OXTR: variants seen among roughly 807,000 people sequenced by gnomAD.
The protein encoded by OXTR is oxytocin receptor.
OXTR carries 19 observed loss-of-function variants against 23.9 expected under a neutral mutation model. That is an observed-to-expected ratio of 0.80 (90% CI 0.56 to 1.17). The LOEUF (loss-of-function observed/expected upper bound fraction) is 1.17. Ranked by LOEUF, OXTR falls within the 50% of genes most tolerant of loss-of-function variation. The pLI, the probability that OXTR is intolerant of heterozygous loss-of-function variation, is 0.00. For synonymous variants in OXTR, 278 were observed against 250.5 expected (o/e 1.11, Z -1.04); for missense variants, 500 against 550.7 (o/e 0.91, Z 0.92).
downstream of OXTR, chr3:8,745,420 G>A: frequency 1.2e-6 from 1 of 847,302 alleles, no homozygotes. The surrounding 1 kb of genome is among the most constrained non-coding windows in gnomAD (Gnocchi z 4.8). Flanking sequence ...CAGCCACCAA[G>A]GTTAACCTGA....
intron 3 of OXTR, among the ~76,000 whole-genome samples, chr3:8,761,965 G>A (rs549400742): frequency 2.0e-5 from 3 of 152,346 alleles, no homozygotes; most frequent in Admixed American, 2.0e-4. Flanking sequence ...GGCTCTGGCA[G>A]GTGGGCTCAG....
chr3:8,753,021 G>A lies in OXTR; in HGVS notation c.1126C>T (p.Arg376Cys), dbSNP rs35062132. The change falls in exon 4 of 4, where the codon CGC (arginine) becomes TGC (cysteine). Residue 376 changes from arginine (R) to cysteine (C), a missense_variant. Physicochemically the swap from Arg to Cys is radical, Grantham distance 180. Transcript: ENST00000316793. ...SNSSSFVLSH[R>C]SSSQRSCSQP... ...GAGCAGCTCCTCTGGCTGGAGCTGC[G>A]ATGGCTCAGGACAAAGGAGGACGAG... 4.0e-5 allele frequency: 65 copies of A among 1,613,958 alleles called. No homozygotes were observed. The East Asian group carries it at 1.0e-3, about 25-fold the overall frequency.
At chr3:8,746,177 G>A (rs548206386), downstream of OXTR, 21 of 286,990 alleles carry the variant, frequency 7.3e-5, no homozygotes, top group Non-Finnish European at 1.1e-4. Flanking sequence ...AAACCAGCAC[G>A]CGGTTCCCAC....
At position 8,753,171 on chromosome 3, in the gene OXTR, G is replaced by A. The variant is rs765091883; in HGVS notation, c.976C>T (p.Pro326Ser). 1 of 1,614,174 alleles carries A rather than the reference G, an allele frequency of 6.2e-7. No homozygotes were observed. Among genetic ancestry groups the A allele is most frequent in the South Asian group, 1.1e-5 (1 of 91,076 alleles). ...LLASLNSCCN[P>S]WIYMLFTGHL... Reference sequence around the variant, plus strand: ...CCCGTGAACAGCATGTAGATCCAGGGGTTGCAGCAGCTGTTGAGGCTGGCC... The same window carrying A: ...CCCGTGAACAGCATGTAGATCCAGGAGTTGCAGCAGCTGTTGAGGCTGGCC... Residue 326 changes from proline to serine, a missense_variant, in exon 4 of 4, where the codon CCC becomes TCC. Transcript: ENST00000316793.
chr3:8,754,767 C>G (rs367618824), intron 3 of OXTR, among the ~76,000 whole-genome samples: 1 of 152,210 alleles, frequency 6.6e-6, no homozygotes, highest in Admixed American at 6.5e-5. Context: ...CAGAATTACC[C>G]TCTGGAGGTA....
At position 8,767,598 on chromosome 3, in the gene OXTR, G is replaced by T; in HGVS notation, c.590C>A (p.Pro197His). Residue 197 changes from proline (P) to histidine (H), a missense_variant, in exon 3 of 4, where the codon CCC (proline) becomes CAC (histidine). Coordinates refer to ENST00000316793, the MANE Select transcript of OXTR (RefSeq NM_000916.4). ...CGTGATCCATGTGATGTAGGCCTTG[G>T]GTCCCCAGGGCTGGATGAAGACGGC... Reference protein sequence around the residue: ...CWAVFIQPWGPKAYITWITLA... With the variant: ...CWAVFIQPWGHKAYITWITLA... The T allele has an allele frequency of 6.2e-7, 1 of 1,613,450 alleles. No homozygotes were observed. The highest frequency in any genetic ancestry group is 8.5e-7 in the Non-Finnish European group (1 of 1,179,790).
intron 3 of OXTR, among the ~76,000 whole-genome samples, chr3:8,754,789 T>C (rs1277060056): frequency 6.6e-6 from 1 of 152,204 alleles, no homozygotes; most frequent in East Asian, 1.9e-4. Flanking sequence ...GGCTCAGGAA[T>C]GTTGTAATTC....
At chr3:8,742,546 T>C in the OXTR span, 14 of 452,868 alleles carry the variant, frequency 3.1e-5, no homozygotes, top group Non-Finnish European at 5.3e-5. Context: ...GGCTGGAGAA[T>C]AATCCGGGAT....
At chr3:8,747,933 A>G (rs775539839), downstream of OXTR, among the ~76,000 whole-genome samples, 5 of 152,198 alleles carry the variant, frequency 3.3e-5, no homozygotes, top group Non-Finnish European at 5.9e-5. Context: ...GTCGGTGCTT[A>G]ATTAGCCACA....
intron 3 of OXTR, among the ~76,000 whole-genome samples, chr3:8,759,904 A>G (rs1708451576): frequency 6.6e-6 from 1 of 152,128 alleles, no homozygotes; most frequent in African/African-American, 2.4e-5. Context: ...CCTCTCTCCC[A>G]CCCATACCTT....
chr3:8,762,402 A>C, intron 3 of OXTR, among the ~76,000 whole-genome samples: 1 of 152,258 alleles, frequency 6.6e-6, no homozygotes, highest in Non-Finnish European at 1.5e-5. Flanking sequence ...CCCTAAGGGA[A>C]AACATTAACA....
At chr3:8,748,814 C>T (rs1030394404), downstream of OXTR, among the ~76,000 whole-genome samples, 1 of 152,218 alleles carries the variant, frequency 6.6e-6, no homozygotes, top group Non-Finnish European at 1.5e-5. Flanking sequence ...AGACAGCCTG[C>T]ATTGTCCCCT....
chr3:8,746,477 A>G (rs1708165920), downstream of OXTR: 1 of 152,416 alleles, frequency 6.6e-6, no homozygotes, highest in South Asian at 2.1e-4. Flanking sequence ...TCCTTGGAAG[A>G]TCATGTTTAA....
the OXTR span, among the ~76,000 whole-genome samples, chr3:8,741,632 A>G: frequency 6.6e-6 from 1 of 152,200 alleles, no homozygotes; most frequent in East Asian, 1.9e-4. Context: ...GCCAGTGGAT[A>G]CTGGGACCAT....
At position 8,751,775 on chromosome 3, in the gene OXTR, C is replaced by T. The variant is rs200925225; in HGVS notation, c.*1202G>A. 4.6e-5 allele frequency: 7 copies of T among 152,082 alleles called. No homozygotes were observed. The highest frequency in any genetic ancestry group is 1.4e-4 in the African/African-American group (6 of 41,392). The allele number at this position is 152,082 out of a possible 1,614,324, so 9.4% of individuals were successfully genotyped here. On this transcript the variant is annotated 3_prime_UTR_variant, in exon 4 of 4. Transcript: ENST00000316793. ...AACACACTGAGCTGATTACCTTTAT[C>T]GTAAATTATGAAATCAGGAAGTGTG...
chr3:8,767,395 G>T lies in OXTR; in HGVS notation c.793C>A (p.Leu265Ile), dbSNP rs774330237. Residue 265 changes from leucine to isoleucine, a missense_variant, in exon 3 of 4, where the codon CTC (leucine) becomes ATC (isoleucine). Coordinates refer to ENST00000316793, the MANE Select transcript of OXTR (RefSeq NM_000916.4). ...VALARVSSVKLISKAKIRTVK... is the reference protein window; with the variant it reads ...VALARVSSVKIISKAKIRTVK... Reference sequence around the variant, plus strand: ...GTGCGGATCTTGGCCTTGGAGATGAGCTTGACGCTGCTGACACGCGCCAGG... The same window carrying T: ...GTGCGGATCTTGGCCTTGGAGATGATCTTGACGCTGCTGACACGCGCCAGG... The T allele has an allele frequency of 1.2e-6, 2 of 1,612,316 alleles. No homozygotes were observed. The highest frequency in any genetic ancestry group is 1.7e-6 in the Non-Finnish European group (2 of 1,179,384).
At chr3:8,765,905 G>T (rs117323595) in intron 3 of OXTR, among the ~76,000 whole-genome samples, 2 of 152,210 alleles carry the variant, frequency 1.3e-5, no homozygotes, top group Non-Finnish European at 2.9e-5. Context: ...AGCTAACTGG[G>T]AGGGTTCCAT....
intron 3 of OXTR, among the ~76,000 whole-genome samples, chr3:8,764,557 G>A (rs1247824072): frequency 6.6e-6 from 1 of 152,178 alleles, no homozygotes; most frequent in South Asian, 2.1e-4. Flanking sequence ...GGATTGAGAG[G>A]TATCTCCAAA....
rs1197120991 is a variant in OXTR, at chr3:8,751,174, A to G, written c.*1803T>C. On this transcript the variant is annotated 3_prime_UTR_variant, in exon 4 of 4. Transcript: ENST00000316793. ...TCATGTGCTTAGTAGCCATTTGCATATCTTCTTTGGAGAAATGTCTATTCA... is the reference window on the plus strand; with the variant it reads ...TCATGTGCTTAGTAGCCATTTGCATGTCTTCTTTGGAGAAATGTCTATTCA... The G allele has an allele frequency of 6.6e-6, 1 of 152,180 alleles. No individual in the cohort carries two copies. Among genetic ancestry groups the G allele is most frequent in the Admixed American group, 6.5e-5 (1 of 15,282 alleles). 9.4% of individuals were successfully genotyped at this position (152,180 alleles called of 1,614,324 possible). A position where few individuals can be genotyped will look rare whatever the true frequency, so the allele number is the denominator to read the frequency against.
Sources: gnomAD v4.1 joint callset for allele counts (sites outside exome capture counted in the v4.1 genomes callset) on GRCh38, gnomAD v4.1.1 for gene constraint, Gnocchi (gnomAD v3.1) non-coding constraint, MANE v1.5 for transcripts, NCBI Gene and HGNC (gene_info 2026-07-23, HGNC 2026-07-21) for gene names.